The following CYP4X1 variants were observed in gnomAD, a reference collection of about 807,000 sequenced individuals.
The protein encoded by CYP4X1 is cytochrome P450 4X1.
CYP4X1 carries 44 observed loss-of-function variants against 57.9 expected under a neutral mutation model. The observed-to-expected ratio is 0.76, with a 90% confidence interval of 0.60 to 0.98. The LOEUF (loss-of-function observed/expected upper bound fraction) is 0.98, where lower values mean the gene tolerates loss of function less well. Among genes scored for constraint, CYP4X1 ranks in the 50% least tolerant of loss-of-function variants. CYP4X1 has a pLI of 0.00. For synonymous variants in CYP4X1, 227 were observed against 228.6 expected (o/e 0.99, Z 0.06); for missense variants, 532 against 623.9 (o/e 0.85, Z 1.57).
chr1:46,970,366 A>G, the CYP4X1 span, among the ~76,000 whole-genome samples: 5 of 152,314 alleles, frequency 3.3e-5, no homozygotes, highest in East Asian at 9.7e-4. Context: ...ACCTTTCTTT[A>G]GTGCAAGAGA....
the CYP4X1 span, among the ~76,000 whole-genome samples, chr1:46,978,273 G>A: frequency 1.3e-5 from 2 of 152,048 alleles, no homozygotes; most frequent in Non-Finnish European, 2.9e-5. Flanking sequence ...ATAAAGGGAT[G>A]GAGGAAGTTC....
At chr1:47,047,951 T>C (rs1644319896) in intron 9 of CYP4X1, among the ~76,000 whole-genome samples, 1 of 152,068 alleles carries the variant, frequency 6.6e-6, no homozygotes, top group Non-Finnish European at 1.5e-5. Context: ...AGTCCATTAA[T>C]AGGTATTTAG....
chr1:47,007,255 C>T, the CYP4X1 span, among the ~76,000 whole-genome samples: 1 of 152,184 alleles, frequency 6.6e-6, no homozygotes, highest in Non-Finnish European at 1.5e-5. Flanking sequence ...CCGGCAGCAA[C>T]ATTTGCTGTT....
At chr1:47,044,106 A>G (rs1349996572) in intron 8 of CYP4X1, among the ~76,000 whole-genome samples, 2 of 152,216 alleles carry the variant, frequency 1.3e-5, no homozygotes, top group African/African-American at 4.8e-5. Context: ...TTGACAGACA[A>G]GGACTTACTA....
chr1:47,001,506 C>T, the CYP4X1 span, among the ~76,000 whole-genome samples: 5 of 152,176 alleles, frequency 3.3e-5, no homozygotes, highest in Admixed American at 6.5e-5. Flanking sequence ...TGGGCCAAGG[C>T]GGGTATGGGC....
chr1:46,962,057 A>G, the CYP4X1 span, among the ~76,000 whole-genome samples: 1 of 152,204 alleles, frequency 6.6e-6, no homozygotes, highest in Non-Finnish European at 1.5e-5. Context: ...ATTTTGGTCC[A>G]AAGACTGGTA....
the CYP4X1 span, among the ~76,000 whole-genome samples, chr1:46,978,383 C>T: frequency 6.6e-6 from 1 of 152,014 alleles, no homozygotes; most frequent in Non-Finnish European, 1.5e-5. Flanking sequence ...ACAAAGAAGA[C>T]CATTACAACA....
the CYP4X1 span, among the ~76,000 whole-genome samples, chr1:46,982,905 G>A: frequency 2.6e-5 from 4 of 152,202 alleles, no homozygotes; most frequent in African/African-American, 9.6e-5. Context: ...GCAGTGATGG[G>A]GACGTTGGCA....
intron 1 of CYP4X1, among the ~76,000 whole-genome samples, chr1:47,027,917 T>C (rs1181040133): frequency 6.6e-6 from 1 of 152,186 alleles, no homozygotes; most frequent in Non-Finnish European, 1.5e-5. Context: ...TGTTCATTTA[T>C]TATCCACCAC....
At chr1:46,966,044 A>G in the CYP4X1 span, among the ~76,000 whole-genome samples, 1 of 152,204 alleles carries the variant, frequency 6.6e-6, no homozygotes, top group Non-Finnish European at 1.5e-5. Flanking sequence ...GACCATTTGT[A>G]TTCTCCAAAG....
chr1:46,999,554 G>A, the CYP4X1 span, among the ~76,000 whole-genome samples: 1 of 151,602 alleles, frequency 6.6e-6, no homozygotes, highest in Admixed American at 6.6e-5. Flanking sequence ...TGATTTTTTG[G>A]TCTCGATTTT....
chr1:47,023,064 G>A (rs1174799446), upstream of CYP4X1, among the ~76,000 whole-genome samples: 1 of 152,234 alleles, frequency 6.6e-6, no homozygotes, highest in Admixed American at 6.5e-5. Flanking sequence ...ACGAGGCTCT[G>A]AACCCAGAAG....
In CYP4X1 at chr1:47,050,259, T is replaced by C; in HGVS notation, c.*85T>C. On this transcript the variant is annotated 3_prime_UTR_variant, in exon 12 of 12. Coordinates refer to ENST00000371901, the MANE Select transcript of CYP4X1 (RefSeq NM_178033.2). ...ATCCAAGCAGATAGAAAGGGATCAATGTATGGTGGGAGGATTGGAGGTTGG... is the reference window on the plus strand; with the variant it reads ...ATCCAAGCAGATAGAAAGGGATCAACGTATGGTGGGAGGATTGGAGGTTGG... 6.7e-7 allele frequency: 1 copy of C among 1,493,110 alleles called. No individual in the cohort carries two copies. 92.5% of individuals were successfully genotyped at this position (1,493,110 alleles called of 1,614,324 possible).
chr1:47,048,652 A>G (rs750959097), intron 10 of CYP4X1, 23 bp downstream of exon 10: 10 of 1,600,382 alleles, frequency 6.2e-6, no homozygotes, highest in Non-Finnish European at 8.5e-6. Context: ...CTTGTACATA[A>G]ATACTTCCAA....
the CYP4X1 span, among the ~76,000 whole-genome samples, chr1:46,998,614 G>A: frequency 2.6e-5 from 4 of 152,134 alleles, no homozygotes; most frequent in African/African-American, 4.8e-5. Flanking sequence ...TTCTGTTTTG[G>A]TTGCATTTGC....
the CYP4X1 span, among the ~76,000 whole-genome samples, chr1:47,004,250 G>T: frequency 2.0e-5 from 3 of 152,196 alleles, no homozygotes; most frequent in Non-Finnish European, 4.4e-5. Context: ...TTTCAATAGA[G>T]CTTTGCTTTT....
At chr1:46,993,711 G>A in the CYP4X1 span, among the ~76,000 whole-genome samples, 6 of 152,114 alleles carry the variant, frequency 3.9e-5, no homozygotes, top group Non-Finnish European at 8.8e-5. Flanking sequence ...TGTGTCTTTT[G>A]GCTGCATAAA....
downstream of CYP4X1, among the ~76,000 whole-genome samples, chr1:47,053,947 CT>C (rs1289018370): frequency 2.6e-5 from 4 of 152,092 alleles, no homozygotes; most frequent in Non-Finnish European, 5.9e-5. Context: ...TCAATTTTGG[CT>C]TTTGTTGCCA....
chr1:46,977,642 C>G, the CYP4X1 span, among the ~76,000 whole-genome samples: 1 of 151,814 alleles, frequency 6.6e-6, no homozygotes, highest in Non-Finnish European at 1.5e-5. Context: ...AAAGATACTC[C>G]ACGACAAGAG....
Sources: allele counts gnomAD v4.1 joint callset (sites outside exome capture counted in the v4.1 genomes callset), GRCh38; gene constraint gnomAD v4.1.1; transcripts MANE v1.5; gene names NCBI Gene and HGNC (gene_info 2026-07-23, HGNC 2026-07-21).